The following CADM2 variants were observed in gnomAD, a reference collection of about 807,000 sequenced individuals.
The protein encoded by CADM2 is cell adhesion molecule 2.
A neutral mutation model predicts 49.8 loss-of-function variants in CADM2; 12 were observed. The ratio of observed to expected loss-of-function variants is 0.24; its 90% confidence interval spans 0.15 to 0.39. The LOEUF (loss-of-function observed/expected upper bound fraction) is 0.39. Among genes scored for constraint, CADM2 ranks in the 10% least tolerant of loss-of-function variants. CADM2 has a pLI of 1.00. For synonymous variants in CADM2, 214 were observed against 175.4 expected (o/e 1.22, Z -1.74); for missense variants, 378 against 492.3 (o/e 0.77, Z 2.20).
intron 1 of CADM2, among the ~76,000 whole-genome samples, chr3:85,332,944 C>T (rs2044973421): frequency 6.6e-6 from 1 of 151,782 alleles, no homozygotes; most frequent in African/African-American, 2.4e-5. Flanking sequence ...CTCATGGTCC[C>T]ACCATACACA....
At chr3:85,742,184 C>T (rs957718309) in intron 2 of CADM2, among the ~76,000 whole-genome samples, 1 of 152,158 alleles carries the variant, frequency 6.6e-6, no homozygotes, top group African/African-American at 2.4e-5. Flanking sequence ...GAGGCTTAGA[C>T]ATTGGTCAGA....
chr3:85,074,851 A>G (rs758221168), intron 1 of CADM2, among the ~76,000 whole-genome samples: 36 of 152,028 alleles, frequency 2.4e-4, no homozygotes, highest in Admixed American at 1.7e-3. Flanking sequence ...TCTCTATATT[A>G]TGAGAAAAAT....
chr3:85,733,174 C>G (rs1429343176), intron 2 of CADM2, among the ~76,000 whole-genome samples: 2 of 152,148 alleles, frequency 1.3e-5, no homozygotes, highest in Non-Finnish European at 1.5e-5. Flanking sequence ...CACTTATTCC[C>G]TCTTGGGAAA....
intron 1 of CADM2, among the ~76,000 whole-genome samples, chr3:85,636,120 T>C (rs191984188): frequency 6.4e-4 from 98 of 152,300 alleles, no homozygotes; most frequent in African/African-American, 2.2e-3. Context: ...AAGACTTAGC[T>C]GTAGAACAGC....
At chr3:85,305,617 A>C (rs970821333) in intron 1 of CADM2, among the ~76,000 whole-genome samples, 2 of 151,650 alleles carry the variant, frequency 1.3e-5, no homozygotes, top group East Asian at 3.9e-4. Context: ...ATATTGCAAA[A>C]TGGGTTGACA....
chr3:85,043,921 C>T (rs1271342623), intron 1 of CADM2, among the ~76,000 whole-genome samples: 1 of 152,052 alleles, frequency 6.6e-6, no homozygotes, highest in Non-Finnish European at 1.5e-5. Context: ...AAAAAAGCTC[C>T]TATCATAAAT....
intron 1 of CADM2, among the ~76,000 whole-genome samples, chr3:85,227,239 C>A (rs1450674944): frequency 6.6e-6 from 1 of 151,942 alleles, no homozygotes; most frequent in Admixed American, 6.6e-5. Context: ...AAATCTCCCA[C>A]TATTATTGTG....
intron 1 of CADM2, among the ~76,000 whole-genome samples, chr3:85,468,855 C>T (rs2038639583): frequency 6.6e-6 from 1 of 152,152 alleles, no homozygotes; most frequent in Non-Finnish European, 1.5e-5. Context: ...AACTGGAGCT[C>T]AGACTTATTG....
chr3:85,671,272 A>T (rs930640038), intron 1 of CADM2, among the ~76,000 whole-genome samples: 2 of 152,212 alleles, frequency 1.3e-5, no homozygotes, highest in Non-Finnish European at 2.9e-5. Flanking sequence ...AACTAAAACA[A>T]TAAATATTTC....
chr3:85,325,715 A>G (rs887586072), intron 1 of CADM2, among the ~76,000 whole-genome samples: 1 of 151,338 alleles, frequency 6.6e-6, no homozygotes, highest in African/African-American at 2.4e-5. Context: ...AAAAGTGTGA[A>G]TAGTGGATGT....
intron 1 of CADM2, among the ~76,000 whole-genome samples, chr3:85,535,892 G>C (rs1261821577): frequency 6.6e-6 from 1 of 152,134 alleles, no homozygotes; most frequent in African/African-American, 2.4e-5. Flanking sequence ...GTATGGTAAT[G>C]CTGTGTGTAG....
At chr3:85,098,245 A>C (rs2037876295) in intron 1 of CADM2, among the ~76,000 whole-genome samples, 1 of 144,556 alleles carries the variant, frequency 6.9e-6, no homozygotes, top group Admixed American at 7.1e-5. Flanking sequence ...CTTATCCTGG[A>C]CATTATCGTA....
chr3:85,746,159 A>G (rs1286192083), intron 2 of CADM2, among the ~76,000 whole-genome samples: 1 of 152,224 alleles, frequency 6.6e-6, no homozygotes, highest in African/African-American at 2.4e-5. Context: ...CTAGAACCTC[A>G]TTATGAACAA....
At chr3:85,658,590 A>G (rs1412553561) in intron 1 of CADM2, among the ~76,000 whole-genome samples, 5 of 134,396 alleles carry the variant, frequency 3.7e-5, no homozygotes, top group African/African-American at 5.7e-5. Context: ...ATATATATAT[A>G]TATATATATA....
intron 1 of CADM2, among the ~76,000 whole-genome samples, chr3:85,623,872 A>T (rs946025268): frequency 2.0e-5 from 3 of 152,122 alleles, no homozygotes; most frequent in African/African-American, 4.8e-5. Flanking sequence ...TTATTCCAAG[A>T]CAAGTAATTA....
At chr3:84,996,945 G>T (rs927054429) in intron 1 of CADM2, among the ~76,000 whole-genome samples, 15 of 152,150 alleles carry the variant, frequency 9.9e-5, no homozygotes, top group African/African-American at 2.9e-4. Flanking sequence ...CTTATTGAAA[G>T]ACACTGAAAA....
At chr3:85,413,683 A>G (rs2035783089) in intron 1 of CADM2, among the ~76,000 whole-genome samples, 1 of 152,170 alleles carries the variant, frequency 6.6e-6, no homozygotes, top group Admixed American at 6.5e-5. Context: ...CACTATCACA[A>G]GAGCAGCACA....
Position 85,730,791 on chromosome 3 carries a change from G to C in CADM2, c.88+4243G>C, listed in dbSNP as rs192541984. ...CTTTAACCCAGAAAAAATATTTTTA[G>C]TCTTTAATCCTGATTTGGGGGCTTT... On this transcript the variant is annotated intron_variant, in intron 2 of 9. Transcript: ENST00000383699. 1.2e-3 allele frequency among the ~76,000 whole-genome samples: 186 copies of C among 152,176 alleles called. No homozygotes were observed. The Middle Eastern group carries it at 0.014, about 11-fold the overall frequency.
At chr3:85,096,210 A>G (rs537496532) in intron 1 of CADM2, among the ~76,000 whole-genome samples, 18 of 152,308 alleles carry the variant, frequency 1.2e-4, no homozygotes, top group African/African-American at 3.6e-4. Flanking sequence ...ATATTCACAT[A>G]TCTAAAAAAG....
Sources: gnomAD v4.1 joint callset for allele counts (sites outside exome capture counted in the v4.1 genomes callset) on GRCh38, gnomAD v4.1.1 for gene constraint, MANE v1.5 for transcripts, NCBI Gene and HGNC (gene_info 2026-07-23, HGNC 2026-07-21) for gene names.